SVEP1: variants seen among roughly 807,000 people sequenced by gnomAD.
The protein encoded by SVEP1 is sushi, von Willebrand factor type A, EGF and pentraxin domain-containing protein 1.
A neutral mutation model predicts 367.3 loss-of-function variants in SVEP1; 164 were observed. That is an observed-to-expected ratio of 0.45 (90% CI 0.39 to 0.51). SVEP1 has a LOEUF of 0.51. SVEP1 is among the 20% of genes least tolerant of loss of function. The pLI, the probability that SVEP1 is intolerant of heterozygous loss-of-function variation, is 0.00. For missense variants in SVEP1, 4,117 were observed against 4,425.3 expected (o/e 0.93, Z 1.98); for synonymous variants, 1,666 against 1,611.6 (o/e 1.03, Z -0.81).
At chr9:110,536,092 C>A (rs1487135263) in intron 3 of SVEP1, among the ~76,000 whole-genome samples, 3 of 151,988 alleles carry the variant, frequency 2.0e-5, no homozygotes, top group African/African-American at 7.2e-5. Context: ...GTGGATCTGT[C>A]ACAGATGGCT....
intron 43 of SVEP1, among the ~76,000 whole-genome samples, chr9:110,384,769 T>A (rs1827494852): frequency 6.6e-6 from 1 of 152,204 alleles, no homozygotes; most frequent in African/African-American, 2.4e-5. Context: ...AGAATCCCCA[T>A]GACCTTCACA....
At chr9:110,384,487 C>T (rs368692441) in intron 43 of SVEP1, among the ~76,000 whole-genome samples, 13 of 152,028 alleles carry the variant, frequency 8.6e-5, no homozygotes, top group Middle Eastern at 3.4e-3. Flanking sequence ...AACCCCTCCC[C>T]GCAAAATAAA....
At chr9:110,465,040 T>C (rs1828913442) in intron 18 of SVEP1, among the ~76,000 whole-genome samples, 1 of 152,154 alleles carries the variant, frequency 6.6e-6, no homozygotes. Context: ...AAATTGGAAC[T>C]CTAATCTTTT....
chr9:110,511,714 T>C (rs1829718884), intron 5 of SVEP1, among the ~76,000 whole-genome samples: 1 of 151,994 alleles, frequency 6.6e-6, no homozygotes, highest in South Asian at 2.1e-4. Flanking sequence ...GTAGGCCAAT[T>C]TACATTTATA....
At chr9:110,535,731 G>A (rs1340518716) in intron 3 of SVEP1, among the ~76,000 whole-genome samples, 1 of 151,984 alleles carries the variant, frequency 6.6e-6, no homozygotes, top group Non-Finnish European at 1.5e-5. Context: ...CACCTCCCTG[G>A]TTAGCTGTAT....
At position 110,450,077 on chromosome 9, in the gene SVEP1, T is replaced by C; in HGVS notation, c.4085A>G (p.Asp1362Gly). 2 of 1,613,902 alleles carry C rather than the reference T, an allele frequency of 1.2e-6. No individual in the cohort carries two copies. Among genetic ancestry groups the C allele is most frequent in the Non-Finnish European group, 1.7e-6 (2 of 1,179,804 alleles). ...QPCKNGATCK[D>G]GANSFRCLCA... ...CTTTTACCTGAAGCTATTGGCACCGTCTTTACAGGTAGCTCCATTTTTGCA... is the reference window on the plus strand; with the variant it reads ...CTTTTACCTGAAGCTATTGGCACCGCCTTTACAGGTAGCTCCATTTTTGCA... Residue 1362 changes from aspartate (D) to glycine (G), a missense_variant, in exon 24 of 48, where the codon GAC (aspartate) becomes GGC (glycine). Asp to Gly is a moderately conservative substitution (Grantham distance 94). This residue lies in a region of SVEP1 where 2,174 missense variants were observed against 2,494.3 expected (regional missense o/e 0.87). Transcript: ENST00000374469.
chr9:110,479,266 C>T (rs976508171), intron 13 of SVEP1, among the ~76,000 whole-genome samples: 3 of 152,016 alleles, frequency 2.0e-5, no homozygotes, highest in Admixed American at 6.6e-5. Context: ...AAAAATGCAT[C>T]TTTTAAATCT....
intron 9 of SVEP1, among the ~76,000 whole-genome samples, chr9:110,487,065 TC>T (rs1829290905): frequency 6.6e-6 from 1 of 152,204 alleles, no homozygotes; most frequent in Non-Finnish European, 1.5e-5. Context: ...TAAGCAATTC[TC>T]CTGCCTCAGT....
At chr9:110,387,165 T>G in intron 42 of SVEP1, 120 bp downstream of exon 42, 1 of 964,608 alleles carries the variant, frequency 1.0e-6, no homozygotes. Flanking sequence ...TGGATAGGCA[T>G]TAATTGCTTT....
Position 110,482,455 on chromosome 9 carries a change from T to A in SVEP1, c.2076A>T (p.Gly692=). The A allele has an allele frequency of 6.3e-7, 1 of 1,589,654 alleles. No individual in the cohort carries two copies. Among genetic ancestry groups the A allele is most frequent in the East Asian group, 2.3e-5 (1 of 44,318 alleles). The part of the protein sequence containing the change: ...ELVITRSHTQ[G]DLFPQGETIV... ...TAGTCTCCCCTTGAGGGAAAAGGTC[T>A]CCTTGTGTATGACTTCTGGTAATGA... The change falls in exon 11 of 48, where the codon GGA becomes GGT. Residue 692 remains glycine (G), a synonymous_variant. Transcript: ENST00000374469.
intron 41 of SVEP1, among the ~76,000 whole-genome samples, chr9:110,389,289 T>G (rs931068749): frequency 2.6e-5 from 4 of 152,178 alleles, no homozygotes; most frequent in African/African-American, 9.7e-5. Context: ...TGTTTGCCAT[T>G]CCAGAGTCAG....
At position 110,553,652 on chromosome 9, in the gene SVEP1, C is replaced by T. The variant is rs1000786407; in HGVS notation, c.532-3548G>A. ...GGAGACAGGCCCAGGTATTTCAAGG[C>T]CAAGGATGGCTTCAAACAGAAGCCC... On this transcript the variant is annotated intron_variant, in intron 1 of 47. Coordinates refer to ENST00000374469, the MANE Select transcript of SVEP1 (RefSeq NM_153366.4). Among the ~76,000 whole-genome samples the T allele has an allele frequency of 3.3e-5, 5 of 152,226 alleles. No individual in the cohort carries two copies. In the East Asian group the frequency reaches 5.8e-4, roughly 18 times the overall value.
rs557131278 is a variant in SVEP1, at chr9:110,440,236, T to C, written c.4639+3309A>G. On this transcript the variant is annotated intron_variant, in intron 27 of 47. Coordinates refer to ENST00000374469, the MANE Select transcript of SVEP1 (RefSeq NM_153366.4). ...AACACTATGTTATGTTTCAGCTTCT[T>C]TATCACGTCTTCCTTTTCTTCTCTT... is the stretch of plus-strand genomic sequence containing the variant. Among the ~76,000 whole-genome samples the C allele has an allele frequency of 7.2e-5, 11 of 152,330 alleles. No individual in the cohort carries two copies. In the East Asian group the frequency reaches 2.1e-3, roughly 29 times the overall value.
chr9:110,431,952 A>G lies in SVEP1; in HGVS notation c.5316T>C (p.Cys1772=), dbSNP rs375226683. The change falls in exon 32 of 48, where the codon TGT becomes TGC. Residue 1772 remains cysteine, a synonymous_variant. Transcript: ENST00000374469. Reference sequence around the variant, plus strand: ...TCCCATCTCCTGTGTACGGTGGGACACATGAACATATGTAGGATCCATCTA... The same window carrying G: ...TCCCATCTCCTGTGTACGGTGGGACGCATGAACATATGTAGGATCCATCTA... ...LNVDGSYICS[C]VPPYTGDGKN... is the part of the protein sequence containing the mutation. 3.1e-5 allele frequency: 50 copies of G among 1,613,728 alleles called. No homozygotes were observed. The African/African-American group carries it at 5.5e-4, about 18-fold the overall frequency.
At chr9:110,555,951 C>T (rs1398376815) in intron 1 of SVEP1, among the ~76,000 whole-genome samples, 1 of 152,206 alleles carries the variant, frequency 6.6e-6, no homozygotes, top group Admixed American at 6.5e-5. Flanking sequence ...GCACTTGATT[C>T]TCTTTTCAAT....
At chr9:110,512,734 G>C (rs764926483) in intron 5 of SVEP1, 192 bp downstream of exon 5, 23 of 687,158 alleles carry the variant, frequency 3.3e-5, no homozygotes, top group Non-Finnish European at 5.6e-5. Flanking sequence ...GCTATAAAAG[G>C]CGTAGTTTAC....
Position 110,473,264 on chromosome 9 carries a change from A to C in SVEP1, c.2600-941T>G, listed in dbSNP as rs923367716. On this transcript the variant is annotated intron_variant, in intron 14 of 47. Transcript: ENST00000374469. The stretch of plus-strand genomic sequence containing the variant: ...GGATTAATATCATCTTTTTACTTAA[A>C]CATTTTCTCCACAAGCATTAAGTAG... Among the ~76,000 whole-genome samples, 8 of 152,322 alleles carry C rather than the reference A, an allele frequency of 5.3e-5. No individual in the cohort carries two copies. In the Middle Eastern group the frequency reaches 0.014, roughly 259 times the overall value.
intron 8 of SVEP1, among the ~76,000 whole-genome samples, chr9:110,495,446 A>G (rs190120333): frequency 1.3e-5 from 2 of 152,336 alleles, no homozygotes; most frequent in African/African-American, 4.8e-5. Flanking sequence ...GATGTGGTGG[A>G]AATATCACAC....
chr9:110,546,716 C>T (rs1395702263), intron 2 of SVEP1, among the ~76,000 whole-genome samples: 1 of 152,160 alleles, frequency 6.6e-6, no homozygotes, highest in Admixed American at 6.6e-5. Context: ...ACAAAGCCAC[C>T]ATCCTGATCA....
Sources: gnomAD v4.1 joint callset for allele counts (sites outside exome capture counted in the v4.1 genomes callset) on GRCh38, gnomAD v4.1.1 for gene constraint, gnomAD v4.1.1 regional missense constraint, MANE v1.5 for transcripts, NCBI Gene and HGNC (gene_info 2026-07-23, HGNC 2026-07-21) for gene names.